Variants in FCHSD2 observed in about 807,000 individuals in gnomAD.
The protein encoded by FCHSD2 is FCH and double SH3 domains 2.
In FCHSD2, 38 loss-of-function variants were observed where a neutral mutation model predicts 108.1. That is an observed-to-expected ratio of 0.35 (90% confidence interval 0.27 to 0.46). The LOEUF is 0.46. FCHSD2 is among the 20% of genes least tolerant of loss of function. FCHSD2 has a pLI of 1.00. For missense variants in FCHSD2, 751 were observed against 897.8 expected (o/e 0.84, Z 2.09); for synonymous variants, 279 against 314.7 (o/e 0.89, Z 1.20).
At chr11:72,876,094 A>G (rs1367187542) in intron 12 of FCHSD2, among the ~76,000 whole-genome samples, 1 of 152,214 alleles carries the variant, frequency 6.6e-6, no homozygotes, top group Non-Finnish European at 1.5e-5. Flanking sequence ...CTGATGTGGG[A>G]GGATTGCTGA....
At chr11:72,839,372 A>C (rs1485654730) in intron 19 of FCHSD2, among the ~76,000 whole-genome samples, 1 of 152,244 alleles carries the variant, frequency 6.6e-6, no homozygotes. Context: ...GATTTTAAGC[A>C]ATATCAGATC....
intron 2 of FCHSD2, among the ~76,000 whole-genome samples, chr11:73,105,326 C>A (rs1246028375): frequency 6.6e-6 from 1 of 152,184 alleles, no homozygotes; most frequent in African/African-American, 2.4e-5. Context: ...GGATAATAAT[C>A]ATTTACATTA....
chr11:73,052,394 C>T (rs1858921410), intron 3 of FCHSD2, among the ~76,000 whole-genome samples: 1 of 151,980 alleles, frequency 6.6e-6, no homozygotes, highest in Non-Finnish European at 1.5e-5. Flanking sequence ...CATTGAGAAA[C>T]TCTTGGTATA....
At chr11:73,005,320 T>A (rs974756570) in intron 4 of FCHSD2, among the ~76,000 whole-genome samples, 1 of 152,234 alleles carries the variant, frequency 6.6e-6, no homozygotes, top group Non-Finnish European at 1.5e-5. Flanking sequence ...TGTCTACCAC[T>A]CTTCTGAAAT....
chr11:72,974,552 A>G (rs1302904904), intron 8 of FCHSD2, among the ~76,000 whole-genome samples: 2 of 152,206 alleles, frequency 1.3e-5, no homozygotes, highest in Non-Finnish European at 2.9e-5. Flanking sequence ...GATGGCAAAA[A>G]TGTTCTATAT....
chr11:72,944,180 A>G (rs1856474705), intron 8 of FCHSD2, among the ~76,000 whole-genome samples: 2 of 152,204 alleles, frequency 1.3e-5, no homozygotes, highest in African/African-American at 4.8e-5. Flanking sequence ...ATCGAGCAGC[A>G]CATCAAAAAG....
At chr11:72,916,381 T>C (rs536002745) in intron 9 of FCHSD2, among the ~76,000 whole-genome samples, 2 of 149,264 alleles carry the variant, frequency 1.3e-5, no homozygotes, top group South Asian at 2.2e-4. Flanking sequence ...AGCATGATCA[T>C]AGCCTGCTGC....
At chr11:72,911,178 A>G (rs1855757822) in intron 9 of FCHSD2, among the ~76,000 whole-genome samples, 1 of 152,130 alleles carries the variant, frequency 6.6e-6, no homozygotes, top group Admixed American at 6.5e-5. Context: ...ATGGCAAGAG[A>G]TAGGGGTCTT....
At chr11:72,983,017 G>A (rs145608151) in intron 8 of FCHSD2, among the ~76,000 whole-genome samples, 74 of 152,150 alleles carry the variant, frequency 4.9e-4, no homozygotes, top group African/African-American at 1.5e-3. Flanking sequence ...GAAAGGGGCC[G>A]GGCGCGGTGG....
intron 4 of FCHSD2, among the ~76,000 whole-genome samples, chr11:73,008,609 G>T (rs1857793630): frequency 6.6e-6 from 1 of 152,116 alleles, no homozygotes; most frequent in Non-Finnish European, 1.5e-5. Context: ...ATGGCCAGAG[G>T]TAAGTAGAGA....
At chr11:73,044,302 G>C (rs1268675332) in intron 3 of FCHSD2, among the ~76,000 whole-genome samples, 2 of 152,308 alleles carry the variant, frequency 1.3e-5, no homozygotes, top group East Asian at 1.9e-4. Flanking sequence ...CAGAGGCTGA[G>C]TGTGGTGTCT....
At chr11:73,057,058 G>C (rs897542990) in intron 3 of FCHSD2, among the ~76,000 whole-genome samples, 4 of 152,096 alleles carry the variant, frequency 2.6e-5, no homozygotes, top group South Asian at 4.1e-4. Flanking sequence ...ACTCTAGCCT[G>C]GGCGACAGAG....
intron 9 of FCHSD2, among the ~76,000 whole-genome samples, chr11:72,905,142 A>G (rs1311155674): frequency 6.6e-6 from 1 of 152,214 alleles, no homozygotes; most frequent in Non-Finnish European, 1.5e-5. Flanking sequence ...TAGAAGTCCA[A>G]GATCGAGTGT....
intron 2 of FCHSD2, among the ~76,000 whole-genome samples, chr11:73,096,987 A>ATTTTTTTTTTGTTTTTTTTTTTTT (rs1860097585): frequency 3.7e-5 from 1 of 27,020 alleles, no homozygotes; most frequent in Non-Finnish European, 5.6e-5. Context: ...TCATTGATGG[A>ATTTTTTTTTTGTTTTTTTTTTTTT]TTTTTTTTTT....
intron 13 of FCHSD2, among the ~76,000 whole-genome samples, chr11:72,861,315 C>CT (rs1434759900): frequency 1.3e-5 from 2 of 151,036 alleles, no homozygotes; most frequent in African/African-American, 4.9e-5. Context: ...AAAGAGACAA[C>CT]TTACCAAAGT....
chr11:72,869,393 G>C (rs1326633480), intron 12 of FCHSD2, among the ~76,000 whole-genome samples: 2 of 151,774 alleles, frequency 1.3e-5, no homozygotes, highest in Admixed American at 1.3e-4. Flanking sequence ...GAAGGGGAAA[G>C]GGAGGGGAGA....
intron 3 of FCHSD2, among the ~76,000 whole-genome samples, chr11:73,027,488 G>C (rs1858255928): frequency 6.6e-6 from 1 of 152,196 alleles, no homozygotes; most frequent in Admixed American, 6.5e-5. Flanking sequence ...GTCATAAAGA[G>C]ATGGTCTAAA....
intron 2 of FCHSD2, among the ~76,000 whole-genome samples, chr11:73,108,906 TTA>T (rs1238662923): frequency 6.6e-6 from 1 of 152,238 alleles, no homozygotes; most frequent in Admixed American, 6.5e-5. Context: ...GATTTGGTTT[TTA>T]TATATGGCAA....
chr11:72,979,737 TACC>T (rs1272804159), intron 8 of FCHSD2, among the ~76,000 whole-genome samples: 1 of 152,174 alleles, frequency 6.6e-6, no homozygotes, highest in Non-Finnish European at 1.5e-5. Flanking sequence ...GGATGTGCTC[TACC>T]AAAGGACAGT....
Sources: allele counts gnomAD v4.1 joint callset (sites outside exome capture counted in the v4.1 genomes callset), GRCh38; gene constraint gnomAD v4.1.1; transcripts MANE v1.5; gene names NCBI Gene and HGNC (gene_info 2026-07-23, HGNC 2026-07-21).